IL4R: variants seen among roughly 807,000 people sequenced by gnomAD.
The protein encoded by IL4R is interleukin-4 receptor subunit alpha.
IL4R carries 17 observed loss-of-function variants against 41.5 expected under a neutral mutation model. The observed-to-expected ratio is 0.41, with a 90% CI of 0.28 to 0.61. The LOEUF (loss-of-function observed/expected upper bound fraction) is 0.61. Ranked by LOEUF, IL4R falls within the 20% of genes least tolerant of loss-of-function variation. IL4R has a pLI of 0.31. For missense variants in IL4R, 974 were observed against 1,043.1 expected, an observed-to-expected ratio of 0.93 and a Z score of 0.91; for synonymous variants, 402 against 422.9, an observed-to-expected ratio of 0.95 and a Z score of 0.61.
chr16:27,339,108 G>T (rs769724606), intron 2 of IL4R, among the ~76,000 whole-genome samples: 2 of 151,998 alleles, frequency 1.3e-5, no homozygotes, highest in Non-Finnish European at 2.9e-5. Flanking sequence ...ACCCACCTTG[G>T]CTCCCCAAAG....
At chr16:27,342,418 T>A (rs926913318) in intron 4 of IL4R, among the ~76,000 whole-genome samples, 159 bp downstream of exon 4, 7 of 152,076 alleles carry the variant, frequency 4.6e-5, no homozygotes, top group African/African-American at 1.7e-4. Context: ...TCCAGGGACA[T>A]GTTATGTAAG....
chr16:27,349,872 C>T (rs1217836585), intron 6 of IL4R, among the ~76,000 whole-genome samples: 2 of 152,308 alleles, frequency 1.3e-5, no homozygotes, highest in Admixed American at 1.3e-4. Flanking sequence ...ACCTCTGCCT[C>T]CCAGGTAGCT....
intron 8 of IL4R, among the ~76,000 whole-genome samples, 177 bp downstream of exon 8, chr16:27,356,084 C>CTTTTTTTT (rs36125482): frequency 1.0e-3 from 117 of 113,694 alleles, no homozygotes; most frequent in African/African-American, 2.8e-3. Context: ...CCACTTTTTT[C>CTTTTTTTT]TTTTTTTTTT....
intron 8 of IL4R, among the ~76,000 whole-genome samples, chr16:27,356,784 C>A (rs567900366): frequency 6.6e-5 from 10 of 152,258 alleles, no homozygotes; most frequent in African/African-American, 2.4e-4. Context: ...TGGCGGCCGA[C>A]AAGTTGCTGA....
chr16:27,314,586 A>G (rs1411534663), intron 1 of IL4R, among the ~76,000 whole-genome samples: 1 of 152,184 alleles, frequency 6.6e-6, no homozygotes, highest in Non-Finnish European at 1.5e-5. Context: ...GCTGTGCGTC[A>G]TGGACATTGT....
At chr16:27,339,731 T>C (rs1015315865) in intron 2 of IL4R, among the ~76,000 whole-genome samples, 3 of 152,040 alleles carry the variant, frequency 2.0e-5, no homozygotes, top group Non-Finnish European at 4.4e-5. Flanking sequence ...TCTGTGAACG[T>C]GGAGGACCTG....
chr16:27,349,136 G>A (rs529631666), intron 6 of IL4R, among the ~76,000 whole-genome samples: 5 of 152,324 alleles, frequency 3.3e-5, no homozygotes, highest in Middle Eastern at 3.4e-3. Context: ...TTGGCCACAT[G>A]CTCCCCTCTG....
At chr16:27,356,578 G>C (rs1418311244) in intron 8 of IL4R, among the ~76,000 whole-genome samples, 2 of 152,138 alleles carry the variant, frequency 1.3e-5, no homozygotes, top group Non-Finnish European at 2.9e-5. Flanking sequence ...GAAAATTTGA[G>C]GGGGGCCCTG....
chr16:27,327,704 G>A (rs1206773761), intron 1 of IL4R, among the ~76,000 whole-genome samples: 1 of 152,044 alleles, frequency 6.6e-6, no homozygotes, highest in Non-Finnish European at 1.5e-5. Context: ...CCTAGGTTAT[G>A]GTTCTGTGAC....
At chr16:27,361,066 G>C in intron 10 of IL4R, 6 of 1,390,000 alleles carry the variant, frequency 4.3e-6, no homozygotes, top group Non-Finnish European at 3.7e-6. Context: ...TTAACAACCA[G>C]AGCAGCCGTG....
At chr16:27,335,202 A>G (rs1269404616) in intron 2 of IL4R, among the ~76,000 whole-genome samples, 1 of 152,100 alleles carries the variant, frequency 6.6e-6, no homozygotes, top group Non-Finnish European at 1.5e-5. Context: ...GATTTGTCCC[A>G]TTCTTGTTGG....
At chr16:27,361,033 A>G in intron 10 of IL4R, 11 of 1,429,816 alleles carry the variant, frequency 7.7e-6, no homozygotes, top group Non-Finnish European at 1.0e-5. Context: ...ACATGGTGAT[A>G]CCCCTTGGGA....
chr16:27,348,495 G>A (rs2085743983), intron 6 of IL4R, among the ~76,000 whole-genome samples: 1 of 152,248 alleles, frequency 6.6e-6, no homozygotes, highest in African/African-American at 2.4e-5. Flanking sequence ...GTCCAGCTCT[G>A]CGCCCTGCTT....
chr16:27,363,214 G>A lies in IL4R; in HGVS notation c.1862G>A (p.Gly621Glu). 6.2e-7 allele frequency: 1 copy of A among 1,608,886 alleles called. No individual in the cohort carries two copies. Among genetic ancestry groups the A allele is most frequent in the East Asian group, 2.2e-5 (1 of 44,786 alleles). ...AGTGCTGTGTCCCCAGAGAAATGTGGGTTTGGGGCTAGCAGTGGGGAAGAG... is the reference window on the plus strand; with the variant it reads ...AGTGCTGTGTCCCCAGAGAAATGTGAGTTTGGGGCTAGCAGTGGGGAAGAG... ...ASSAVSPEKC[G>E]FGASSGEEGY... The change falls in exon 11 of 11, where the codon GGG becomes GAG. Residue 621 changes from glycine to glutamate, a missense_variant. Physicochemically the swap from Gly to Glu is moderately conservative, Grantham distance 98. Coordinates refer to ENST00000395762, the MANE Select transcript of IL4R (RefSeq NM_000418.4).
At chr16:27,354,792 C>G (rs958193296) in intron 7 of IL4R, among the ~76,000 whole-genome samples, 9 of 152,212 alleles carry the variant, frequency 5.9e-5, no homozygotes, top group African/African-American at 2.2e-4. Context: ...GCACAGCCCT[C>G]TCAGCATTGC....
chr16:27,313,794 CG>C, upstream of IL4R: 1 of 476,076 alleles, frequency 2.1e-6, no homozygotes, highest in Non-Finnish European at 2.8e-6. Context: ...GCGGCGGCGG[CG>C]GGGACAGCGA....
chr16:27,320,433 C>T lies in IL4R; in HGVS notation c.-152+6413C>T, dbSNP rs191486462. Among the ~76,000 whole-genome samples, 222 of 152,326 alleles carry T rather than the reference C, an allele frequency of 1.5e-3. 1 individual carries two copies. The highest frequency in any genetic ancestry group is 0.01 in the Middle Eastern group (3 of 294). On this transcript the variant is annotated intron_variant, in intron 1 of 10. Transcript: ENST00000395762. ...GCAGTGGAGGCTGGAGTCCACATCA[C>T]GCTCTGTGCTGGGTGCAGGAATGGA...
chr16:27,339,646 C>T (rs754378803), intron 2 of IL4R, among the ~76,000 whole-genome samples: 8 of 152,098 alleles, frequency 5.3e-5, no homozygotes, highest in Non-Finnish European at 1.2e-4. Context: ...AGAAGCATCT[C>T]CCAGGACAGT....
intron 1 of IL4R, among the ~76,000 whole-genome samples, chr16:27,326,022 G>A (rs1256376902): frequency 6.6e-6 from 1 of 152,068 alleles, no homozygotes; most frequent in African/African-American, 2.4e-5. Flanking sequence ...AATCCTGTGG[G>A]CTCTGTCTTC....
Sources: allele counts gnomAD v4.1 joint callset (sites outside exome capture counted in the v4.1 genomes callset), GRCh38; gene constraint gnomAD v4.1.1; transcripts MANE v1.5; gene names NCBI Gene and HGNC (gene_info 2026-07-23, HGNC 2026-07-21).